DOCK10: variants seen among roughly 807,000 people sequenced by gnomAD.
DOCK10 encodes dedicator of cytokinesis 10.
Under a neutral mutation model 280.1 loss-of-function variants are expected in DOCK10, and 145 were observed. That is an observed-to-expected ratio of 0.52 (90% CI 0.45 to 0.59). The LOEUF is 0.59. Among genes scored for constraint, DOCK10 ranks in the 20% least tolerant of loss-of-function variants. The probability of loss-of-function intolerance (pLI) is 0.00; values close to 1 mark genes in which losing one functional copy is unlikely to be tolerated. For synonymous variants in DOCK10, 915 were observed against 942.2 expected, an observed-to-expected ratio of 0.97 and a Z score of 0.53; for missense variants, 2,368 against 2,651.7, an observed-to-expected ratio of 0.89 and a Z score of 2.35.
intron 2 of DOCK10, among the ~76,000 whole-genome samples, chr2:224,923,093 G>A (rs1701859755): frequency 6.6e-6 from 1 of 152,224 alleles, no homozygotes; most frequent in African/African-American, 2.4e-5. Flanking sequence ...TTTACTTATT[G>A]TTTAAATATA....
At chr2:224,911,205 A>T (rs930684848) in intron 3 of DOCK10, among the ~76,000 whole-genome samples, 2 of 152,172 alleles carry the variant, frequency 1.3e-5, no homozygotes, top group African/African-American at 4.8e-5. Flanking sequence ...CAAGCAGTTG[A>T]AAGGGAATTA....
intron 7 of DOCK10, among the ~76,000 whole-genome samples, chr2:224,881,307 A>T (rs1698962508): frequency 6.6e-6 from 1 of 152,110 alleles, no homozygotes; most frequent in Non-Finnish European, 1.5e-5. Flanking sequence ...TTTTGAAGAC[A>T]TGAGCCACAC....
At chr2:224,834,358 C>G in intron 25 of DOCK10, 95 bp from the exon 26 acceptor site, 1 of 752,470 alleles carries the variant, frequency 1.3e-6, no homozygotes, top group Non-Finnish European at 2.3e-6. Flanking sequence ...TCTAAATTAT[C>G]TGCTCATGCC....
chr2:224,964,015 T>TA (rs1019922914), intron 1 of DOCK10, among the ~76,000 whole-genome samples: 1 of 145,526 alleles, frequency 6.9e-6, no homozygotes, highest in Non-Finnish European at 1.5e-5. Flanking sequence ...TTTTTTTTTT[T>TA]ACAATAGAGT....
intron 40 of DOCK10, among the ~76,000 whole-genome samples, chr2:224,801,282 C>CAAAAAAAAAAAA (rs3083075): frequency 2.7e-5 from 2 of 74,646 alleles, no homozygotes; most frequent in Non-Finnish European, 2.5e-5. Flanking sequence ...CAAGACATGG[C>CAAAAAAAAAAAA]AAAAAAAAAA....
At chr2:224,947,463 G>A (rs1289410163) in intron 1 of DOCK10, among the ~76,000 whole-genome samples, 2 of 152,174 alleles carry the variant, frequency 1.3e-5, no homozygotes, top group African/African-American at 4.8e-5. Flanking sequence ...GATCTTCCGA[G>A]GGGAGTTCCC....
At chr2:224,890,170 C>T (rs1699572562) in intron 4 of DOCK10, among the ~76,000 whole-genome samples, 1 of 152,182 alleles carries the variant, frequency 6.6e-6, no homozygotes. Context: ...GTTTCTGAAC[C>T]TCCTATTCTG....
Position 224,806,185 on chromosome 2 carries a change from A to G in DOCK10, c.3755T>C (p.Ile1252Thr). The change falls in exon 34 of 56, where the codon ATC (isoleucine) becomes ACC (threonine). Residue 1252 changes from isoleucine to threonine, a missense_variant. Around this residue, in one of 2 missense-constraint regions of DOCK10, gnomAD observed 1,159 missense variants for 1,400.8 expected, o/e 0.83. Transcript: ENST00000258390. The part of the protein sequence containing the change: ...TNGGFQSQTA[I>T]KHANSVDTSF... ...TGTATCCACAGAGTTTGCATGTTTG[A>G]TAGCTGTCTGGCTTTGAAATCCTCC... The G allele has an allele frequency of 6.2e-7, 1 of 1,611,422 alleles. No homozygotes were observed.
At chr2:224,834,983 T>C (rs1263107363) in intron 25 of DOCK10, among the ~76,000 whole-genome samples, 4 of 152,244 alleles carry the variant, frequency 2.6e-5, no homozygotes, top group African/African-American at 9.6e-5. Context: ...GAAGGACATT[T>C]CTTCATAATT....
At chr2:224,931,201 T>C (rs1361776168) in intron 2 of DOCK10, among the ~76,000 whole-genome samples, 1 of 152,224 alleles carries the variant, frequency 6.6e-6, no homozygotes, top group Non-Finnish European at 1.5e-5. Context: ...TTTCAGTTGC[T>C]TGGAAGCTTT....
chr2:224,848,412 A>G (rs1243925674), intron 19 of DOCK10, among the ~76,000 whole-genome samples: 1 of 152,198 alleles, frequency 6.6e-6, no homozygotes, highest in African/African-American at 2.4e-5. Flanking sequence ...GTTGTTTGTA[A>G]CGTAAGCTAA....
intron 11 of DOCK10, among the ~76,000 whole-genome samples, chr2:224,869,718 C>T (rs1301419877): frequency 3.9e-5 from 6 of 152,182 alleles, no homozygotes; most frequent in African/African-American, 1.4e-4. Context: ...AAAGGACACA[C>T]TAACTTGGTT....
At chr2:225,008,298 C>T (rs16866460) in intron 1 of DOCK10, among the ~76,000 whole-genome samples, 5,322 of 152,112 alleles carry the variant, frequency 0.035, 198 homozygotes, top group African/African-American at 0.095. Context: ...TGTGCCCTGC[C>T]GAGAATTCAC....
chr2:224,926,041 GA>G (rs1361952376), intron 2 of DOCK10, among the ~76,000 whole-genome samples: 2 of 152,018 alleles, frequency 1.3e-5, no homozygotes, highest in Admixed American at 6.6e-5. Flanking sequence ...AAAGAAAGAT[GA>G]AAAAAAGTAG....
intron 1 of DOCK10, among the ~76,000 whole-genome samples, chr2:225,037,778 G>A (rs1690301251): frequency 6.6e-6 from 1 of 152,122 alleles, no homozygotes; most frequent in African/African-American, 2.4e-5. Context: ...ATCTGGTTGT[G>A]GAGAAAAAGC....
rs1038370862 is a variant in DOCK10 at position 224,970,649 on chromosome 2, C to G, written c.124-38981G>C. On this transcript the variant is annotated intron_variant, in intron 1 of 55. Transcript: ENST00000258390. The surrounding 1 kb of genome is among the most constrained non-coding windows in gnomAD (Gnocchi z 4.6). ...CTGCCGTGGGACCCATGAGCCCCCA[C>G]AGTTGCATTCTGTATCTCCACAGCA... 1.3e-5 allele frequency among the ~76,000 whole-genome samples: 2 copies of G among 152,212 alleles called. No individual in the cohort carries two copies. Among genetic ancestry groups the G allele is most frequent in the Admixed American group, 6.5e-5 (1 of 15,286 alleles).
chr2:224,962,059 G>A (rs1704480552), intron 1 of DOCK10, among the ~76,000 whole-genome samples: 1 of 152,176 alleles, frequency 6.6e-6, no homozygotes, highest in Non-Finnish European at 1.5e-5. Context: ...CATGGTGGCT[G>A]GCTGACAGGC....
At chr2:224,931,707 C>G in intron 1 of DOCK10, 39 bp from the exon 2 acceptor site, 2 of 1,540,938 alleles carry the variant, frequency 1.3e-6, no homozygotes, top group Non-Finnish European at 1.7e-6. Flanking sequence ...CACTGACATA[C>G]ACCATCTCCC....
chr2:225,029,752 C>G (rs752464329), intron 1 of DOCK10, among the ~76,000 whole-genome samples: 1 of 152,198 alleles, frequency 6.6e-6, no homozygotes, highest in South Asian at 2.1e-4. Flanking sequence ...AAAGTTGTTA[C>G]CAGCAGGTGG....
Sources: allele counts gnomAD v4.1 joint callset (sites outside exome capture counted in the v4.1 genomes callset), GRCh38; gene constraint gnomAD v4.1.1; regional missense constraint gnomAD v4.1.1; non-coding constraint Gnocchi (gnomAD v3.1); transcripts MANE v1.5; gene names NCBI Gene and HGNC (gene_info 2026-07-23, HGNC 2026-07-21).